Variants in ATP2C1 observed in about 807,000 individuals in gnomAD.
ATP2C1 encodes ATPase secretory pathway Ca2+ transporting 1.
A neutral mutation model predicts 120.5 loss-of-function variants in ATP2C1; 31 were observed. The observed-to-expected ratio is 0.26, with a 90% CI of 0.19 to 0.35. The LOEUF (loss-of-function observed/expected upper bound fraction) is 0.35. Among genes scored for constraint, ATP2C1 ranks in the 10% least tolerant of loss-of-function variants. The pLI is 1.00. For synonymous variants in ATP2C1, 351 were observed against 358.7 expected, an observed-to-expected ratio of 0.98 and a Z score of 0.24; for missense variants, 731 against 1,107.5, an observed-to-expected ratio of 0.66 and a Z score of 4.83.
At chr3:130,900,708 A>G (rs1196412656) in intron 2 of ATP2C1, among the ~76,000 whole-genome samples, 1 of 152,234 alleles carries the variant, frequency 6.6e-6, no homozygotes, top group Non-Finnish European at 1.5e-5. Flanking sequence ...ATAGAGCATT[A>G]GTACATTAGT....
intron 8 of ATP2C1, among the ~76,000 whole-genome samples, chr3:130,943,103 G>T (rs2059992715): frequency 6.6e-6 from 1 of 152,210 alleles, no homozygotes; most frequent in South Asian, 2.1e-4. Flanking sequence ...AGGGTTAATT[G>T]ACTTGACAGT....
intron 2 of ATP2C1, among the ~76,000 whole-genome samples, chr3:130,909,647 G>A (rs1399887968): frequency 3.9e-5 from 6 of 152,010 alleles, no homozygotes; most frequent in Non-Finnish European, 8.8e-5. Flanking sequence ...TCATTGACTC[G>A]CTTGGACTAA....
chr3:130,941,536 C>G, intron 7 of ATP2C1, 55 bp from the exon 8 acceptor site: 2 of 1,438,880 alleles, frequency 1.4e-6, no homozygotes, highest in Non-Finnish European at 2.0e-6. Flanking sequence ...TTTTTTAAGA[C>G]AAGTTGCATG....
intron 1 of ATP2C1, among the ~76,000 whole-genome samples, chr3:130,887,989 G>A (rs960740795): frequency 6.6e-6 from 1 of 152,186 alleles, no homozygotes. Flanking sequence ...ATGCCATGAT[G>A]CACTACCTGG....
Position 130,997,530 on chromosome 3 carries a change from GGTTA to G in ATP2C1, c.2244-73_2244-70del, listed in dbSNP as rs1297503469. On this transcript the variant is annotated intron_variant, in intron 24 of 27. Coordinates refer to ENST00000510168, the MANE Select transcript of ATP2C1 (RefSeq NM_001378687.1). The stretch of plus-strand genomic sequence containing the variant: ...AGCATTTAGTTTGCCGAATAATTGA[GGTTA>G]GTGAGGTTGTGAAAGTAACAAATCC... 4.5e-6 allele frequency: 6 copies of G among 1,342,138 alleles called. No homozygotes were observed. The Admixed American group carries it at 5.1e-5, about 11-fold the overall frequency. 83.1% of individuals were successfully genotyped at this position (1,342,138 alleles called of 1,614,324 possible).
At chr3:130,903,793 T>G (rs1187927956) in intron 2 of ATP2C1, among the ~76,000 whole-genome samples, 2 of 151,798 alleles carry the variant, frequency 1.3e-5, no homozygotes, top group East Asian at 3.9e-4. Context: ...TAAAAAACAC[T>G]GGTTGCATGC....
chr3:130,872,639 C>T (rs2068472180), intron 1 of ATP2C1, among the ~76,000 whole-genome samples: 1 of 151,534 alleles, frequency 6.6e-6, no homozygotes, highest in Admixed American at 6.6e-5. Context: ...AGCTGGAGTG[C>T]AGTGGCACGA....
intron 2 of ATP2C1, among the ~76,000 whole-genome samples, chr3:130,905,450 A>C (rs1453286469): frequency 6.6e-6 from 1 of 152,008 alleles, no homozygotes; most frequent in Non-Finnish European, 1.5e-5. Flanking sequence ...TACTTGTTTC[A>C]TCCGAGTACA....
intron 5 of ATP2C1, among the ~76,000 whole-genome samples, chr3:130,935,516 T>C (rs529713414): frequency 3.6e-4 from 55 of 152,350 alleles, no homozygotes; most frequent in Non-Finnish European, 6.2e-4. Flanking sequence ...TTAAGAACAC[T>C]GTAGATGTTA....
chr3:130,918,693 A>G, intron 2 of ATP2C1: 1 of 479,474 alleles, frequency 2.1e-6, no homozygotes, highest in Non-Finnish European at 4.0e-6. Context: ...AATCATGCAT[A>G]GAAAGCAGCA....
chr3:130,956,795 A>C (rs2060599594), intron 11 of ATP2C1, among the ~76,000 whole-genome samples: 1 of 152,184 alleles, frequency 6.6e-6, no homozygotes, highest in Non-Finnish European at 1.5e-5. Context: ...TTGATTTCAC[A>C]GTTCATTATT....
chr3:130,953,915 A>T lies in ATP2C1; in HGVS notation c.626A>T (p.Asp209Val), dbSNP rs752224800. ...TAPQPAATNG[D>V]LASRSNIAFM... Reference sequence around the variant, plus strand: ...CCTCAGCCAGCTGCAACTAATGGAGATCTTGCATCGAGAAGTAACATTGCC... The same window carrying T: ...CCTCAGCCAGCTGCAACTAATGGAGTTCTTGCATCGAGAAGTAACATTGCC... The change falls in exon 9 of 28, where the codon GAT becomes GTT. Residue 209 changes from aspartate to valine, a missense_variant. Transcript: ENST00000510168. 1.2e-6 allele frequency: 2 copies of T among 1,614,038 alleles called. No individual in the cohort carries two copies. The highest frequency in any genetic ancestry group is 1.7e-6 in the Non-Finnish European group (2 of 1,179,964).
At chr3:130,885,151 C>G (rs892581842) in intron 1 of ATP2C1, among the ~76,000 whole-genome samples, 9 of 152,000 alleles carry the variant, frequency 5.9e-5, no homozygotes, top group African/African-American at 2.2e-4. Context: ...CCAGGCTGGT[C>G]TCAAACTTCT....
At chr3:130,960,354 CT>C (rs149738142) in intron 12 of ATP2C1, among the ~76,000 whole-genome samples, 73 of 152,286 alleles carry the variant, frequency 4.8e-4, no homozygotes, top group African/African-American at 1.7e-3. Flanking sequence ...TAAGGTCAAC[CT>C]TGTGAGTGTG....
At chr3:130,947,610 G>A (rs1242117970) in intron 8 of ATP2C1, among the ~76,000 whole-genome samples, 2 of 151,978 alleles carry the variant, frequency 1.3e-5, no homozygotes, top group African/African-American at 4.8e-5. Context: ...GTTTTTTACT[G>A]CCAAATAATT....
At chr3:131,004,844 G>A (rs1390685328), downstream of ATP2C1, among the ~76,000 whole-genome samples, 1 of 152,062 alleles carries the variant, frequency 6.6e-6, no homozygotes, top group Non-Finnish European at 1.5e-5. Context: ...AAGGCAGGAG[G>A]TACAGTGTGA....
intron 8 of ATP2C1, among the ~76,000 whole-genome samples, chr3:130,942,654 C>T (rs1354760950): frequency 1.3e-5 from 2 of 152,138 alleles, no homozygotes; most frequent in African/African-American, 4.8e-5. Context: ...TGAAATTTAT[C>T]CTTAGAAAGC....
chr3:130,975,383 T>C lies in ATP2C1; in HGVS notation c.1465T>C (p.Tyr489His). ...AGGTGCTTACGAACAAGTAATTAAG[T>C]ACTGTACTACATACCAGAGCAAAGG... is the stretch of plus-strand genomic sequence containing the variant. ...MKGAYEQVIK[Y>H]CTTYQSKGQT... The change falls in exon 18 of 28, where the codon TAC (tyrosine) becomes CAC (histidine). Residue 489 changes from tyrosine (Y) to histidine (H), a missense_variant. Physicochemically the swap from Tyr to His is moderately conservative, Grantham distance 83. Around this residue, in one of 3 missense-constraint regions of ATP2C1, gnomAD observed 571 missense variants for 845.9 expected, o/e 0.67. Transcript: ENST00000510168. 1 of 1,613,832 alleles carries C rather than the reference T, an allele frequency of 6.2e-7. No homozygotes were observed. Among genetic ancestry groups the C allele is most frequent in the Non-Finnish European group, 8.5e-7 (1 of 1,179,794 alleles).
At chr3:130,958,022 C>T (rs2060656642) in intron 11 of ATP2C1, among the ~76,000 whole-genome samples, 1 of 152,016 alleles carries the variant, frequency 6.6e-6, no homozygotes, top group South Asian at 2.1e-4. Context: ...TGCTCATTTT[C>T]TAGAAATTTT....
Sources: gnomAD v4.1 joint callset for allele counts (sites outside exome capture counted in the v4.1 genomes callset) on GRCh38, gnomAD v4.1.1 for gene constraint, gnomAD v4.1.1 regional missense constraint, MANE v1.5 for transcripts, NCBI Gene and HGNC (gene_info 2026-07-23, HGNC 2026-07-21) for gene names.